The following ITSN1 variants were observed in gnomAD, a reference collection of about 807,000 sequenced individuals.
ITSN1 encodes intersectin 1.
A neutral mutation model predicts 239.8 loss-of-function variants in ITSN1; 58 were observed. The ratio of observed to expected loss-of-function variants is 0.24; its 90% CI spans 0.20 to 0.30. ITSN1 has a LOEUF of 0.30. Among genes scored for constraint, ITSN1 ranks in the 10% least tolerant of loss-of-function variants. The pLI is 1.00. For missense variants in ITSN1, 1,558 were observed against 2,103.3 expected, an observed-to-expected ratio of 0.74 and a Z score of 5.07; for synonymous variants, 780 against 770.8, an observed-to-expected ratio of 1.01 and a Z score of -0.20.
At chr21:33,806,101 C>CT (rs936550719) in intron 20 of ITSN1, among the ~76,000 whole-genome samples, 4 of 148,552 alleles carry the variant, frequency 2.7e-5, no homozygotes, top group African/African-American at 9.8e-5. Flanking sequence ...GTCCCAGCTA[C>CT]TCGGGAGGCT....
At chr21:33,836,726 A>G (rs2074623101) in intron 29 of ITSN1, 94 bp downstream of exon 29, 6 of 1,077,058 alleles carry the variant, frequency 5.6e-6, no homozygotes, top group Non-Finnish European at 1.4e-6. Context: ...TTGTTTGCAG[A>G]ACTTAAAGCT....
intron 1 of ITSN1, among the ~76,000 whole-genome samples, chr21:33,699,074 CT>C (rs2091908191): frequency 6.6e-6 from 1 of 152,068 alleles, no homozygotes; most frequent in African/African-American, 2.4e-5. Context: ...ACCCTAACAA[CT>C]CTCAAATATC....
At position 33,674,640 on chromosome 21, in the gene ITSN1, A is replaced by C. The variant is rs556034803; in HGVS notation, c.-33+31927A>C. 2.6e-5 allele frequency among the ~76,000 whole-genome samples: 4 copies of C among 152,358 alleles called. No homozygotes were observed. The South Asian group carries it at 6.2e-4, about 24-fold the overall frequency. On this transcript the variant is annotated intron_variant, in intron 1 of 39. Transcript: ENST00000381318. ...TTTGGCACCTGAAAAGAAGGAAAATAGACATAAACTTTAGAAAATACTGTT... is the reference window on the plus strand; with the variant it reads ...TTTGGCACCTGAAAAGAAGGAAAATCGACATAAACTTTAGAAAATACTGTT...
In ITSN1 at chr21:33,834,322, C is replaced by T. The variant is rs1325821849; in HGVS notation, c.3367C>T (p.Arg1123Cys). Residue 1123 changes from arginine to cysteine, a missense_variant, in exon 28 of 40, where the codon CGC (arginine) becomes TGC (cysteine). By Grantham distance (180) the Arg-to-Cys change is radical (BLOSUM62 -3). Coordinates refer to ENST00000381318, the MANE Select transcript of ITSN1 (RefSeq NM_003024.3). ...TTCTTACTAGGCACGTGGGAAAAAG[C>T]GCCAGATAGGCTGGTTCCCAGCTAA... Reference protein sequence around the residue: ...EGELQARGKKRQIGWFPANYV... With the variant: ...EGELQARGKKCQIGWFPANYV... 8.7e-6 allele frequency: 14 copies of T among 1,613,442 alleles called. No individual in the cohort carries two copies. Among genetic ancestry groups the T allele is most frequent in the African/African-American group, 2.7e-5 (2 of 74,906 alleles).
At chr21:33,659,641 T>C (rs1483502027) in intron 1 of ITSN1, among the ~76,000 whole-genome samples, 2 of 150,948 alleles carry the variant, frequency 1.3e-5, no homozygotes, top group African/African-American at 4.9e-5. Context: ...TTAAGCTAGA[T>C]AGGTGAACAA....
At chr21:33,876,026 A>G (rs900075871) in intron 34 of ITSN1, among the ~76,000 whole-genome samples, 1 of 150,974 alleles carries the variant, frequency 6.6e-6, no homozygotes, top group Non-Finnish European at 1.5e-5. Flanking sequence ...CATTGCCAGA[A>G]GTTCTATTTA....
At chr21:33,763,829 G>T (rs575705355) in intron 9 of ITSN1, among the ~76,000 whole-genome samples, 2 of 152,270 alleles carry the variant, frequency 1.3e-5, no homozygotes, top group Admixed American at 1.3e-4. Context: ...CTGTATGTTG[G>T]TGATTGTCCC....
chr21:33,868,413 G>A (rs577800623), intron 33 of ITSN1, among the ~76,000 whole-genome samples: 1 of 152,364 alleles, frequency 6.6e-6, no homozygotes, highest in East Asian at 1.9e-4. Context: ...AACCCACGGA[G>A]GCAGGGGAAG....
At chr21:33,758,552 GA>G in intron 8 of ITSN1, among the ~76,000 whole-genome samples, 1 of 40,914 alleles carries the variant, frequency 2.4e-5, no homozygotes, top group South Asian at 8.4e-4. Context: ...ATAAAATAGA[GA>G]GGGATCATTC....
intron 16 of ITSN1, among the ~76,000 whole-genome samples, chr21:33,782,429 T>C (rs1445014513): frequency 1.3e-5 from 2 of 152,258 alleles, no homozygotes; most frequent in African/African-American, 2.4e-5. Context: ...ATCTTTCTTA[T>C]GTTCTTTGAA....
At chr21:33,673,044 A>T (rs569272253) in intron 1 of ITSN1, among the ~76,000 whole-genome samples, 52 of 152,350 alleles carry the variant, frequency 3.4e-4, no homozygotes, top group Non-Finnish European at 5.7e-4. Context: ...CCAGACAAAA[A>T]AAATAAATTG....
chr21:33,766,715 C>G (rs1381862084), intron 10 of ITSN1, among the ~76,000 whole-genome samples: 1 of 152,224 alleles, frequency 6.6e-6, no homozygotes, highest in Non-Finnish European at 1.5e-5. Flanking sequence ...TGTCAGCACA[C>G]ACGTGGTACA....
At chr21:33,695,080 G>T (rs1359621652) in intron 1 of ITSN1, among the ~76,000 whole-genome samples, 1 of 152,166 alleles carries the variant, frequency 6.6e-6, no homozygotes, top group African/African-American at 2.4e-5. Flanking sequence ...CTCCCAAAAT[G>T]CTGGGATTAC....
At chr21:33,680,694 TCTGAAG>T (rs1301101007) in intron 1 of ITSN1, among the ~76,000 whole-genome samples, 1 of 3,376 alleles carries the variant, frequency 3.0e-4, no homozygotes, top group African/African-American at 0.014. Flanking sequence ...CCACCAAATG[TCTGAAG>T]TCCTGCCCAG....
At chr21:33,871,264 C>G (rs1051196260) in intron 33 of ITSN1, among the ~76,000 whole-genome samples, 3 of 152,098 alleles carry the variant, frequency 2.0e-5, no homozygotes, top group African/African-American at 7.2e-5. Flanking sequence ...GCAACTTCTA[C>G]TCATGTATTA....
At chr21:33,691,068 C>T (rs1201683886) in intron 1 of ITSN1, among the ~76,000 whole-genome samples, 1 of 151,598 alleles carries the variant, frequency 6.6e-6, no homozygotes, top group Non-Finnish European at 1.5e-5. Flanking sequence ...TAATCAGTTT[C>T]TCTTCTCTGC....
Position 33,836,528 on chromosome 21 carries a change from A to T in ITSN1, c.3557A>T (p.Asn1186Ile). ...AAGGGCCAGATCATCAACGTCCTCA[A>T]CAAGGAGGACCCTGACTGGTGGAAA... The part of the protein sequence containing the change: ...FNKGQIINVL[N>I]KEDPDWWKGE... The change falls in exon 29 of 40, where the codon AAC (asparagine) becomes ATC (isoleucine). Residue 1186 changes from asparagine (N) to isoleucine (I), a missense_variant. Physicochemically the swap from Asn to Ile is moderately radical, Grantham distance 149. Around this residue, in one of 2 missense-constraint regions of ITSN1, gnomAD observed 576 missense variants for 893.3 expected, o/e 0.64. Coordinates refer to ENST00000381318, the MANE Select transcript of ITSN1 (RefSeq NM_003024.3). 1 of 1,613,882 alleles carries T rather than the reference A, an allele frequency of 6.2e-7. No individual in the cohort carries two copies. Among genetic ancestry groups the T allele is most frequent in the Non-Finnish European group, 8.5e-7 (1 of 1,179,734 alleles).
intron 29 of ITSN1, among the ~76,000 whole-genome samples, chr21:33,853,675 A>G (rs1013952226): frequency 2.6e-5 from 4 of 152,114 alleles, no homozygotes; most frequent in East Asian, 3.9e-4. Flanking sequence ...AAGTAACACT[A>G]GTGTTTCTCA....
intron 1 of ITSN1, among the ~76,000 whole-genome samples, chr21:33,659,898 A>T (rs187453193): frequency 0.015 from 2,221 of 151,264 alleles, 63 homozygotes; most frequent in African/African-American, 0.052. Flanking sequence ...TTAAAAAAAA[A>T]TTTTTGTAGA....
Sources: allele counts gnomAD v4.1 joint callset (sites outside exome capture counted in the v4.1 genomes callset), GRCh38; gene constraint gnomAD v4.1.1; regional missense constraint gnomAD v4.1.1; transcripts MANE v1.5; gene names NCBI Gene and HGNC (gene_info 2026-07-23, HGNC 2026-07-21).